The following ST8SIA5 variants were observed in gnomAD, a reference collection of about 807,000 sequenced individuals.
The protein encoded by ST8SIA5 is alpha-2,8-sialyltransferase 8E.
In ST8SIA5, 24 loss-of-function variants were observed where a neutral mutation model predicts 40.2. The ratio of observed to expected loss-of-function variants is 0.60; its 90% CI spans 0.43 to 0.84. ST8SIA5 has a LOEUF of 0.84. ST8SIA5 is among the 40% of genes least tolerant of loss of function. The probability of loss-of-function intolerance (pLI) is 0.00; values close to 1 mark genes in which losing one functional copy is unlikely to be tolerated. For synonymous variants in ST8SIA5, 198 were observed against 201.8 expected, an observed-to-expected ratio of 0.98 and a Z score of 0.16; for missense variants, 465 against 498.5, an observed-to-expected ratio of 0.93 and a Z score of 0.64.
chr18:46,727,442 C>T (rs996213018), intron 1 of ST8SIA5, among the ~76,000 whole-genome samples: 1 of 152,176 alleles, frequency 6.6e-6, no homozygotes, highest in Non-Finnish European at 1.5e-5. Context: ...AGCCAACTAC[C>T]AGGGGAATTT....
intron 5 of ST8SIA5, among the ~76,000 whole-genome samples, chr18:46,684,839 G>A (rs1470626619): frequency 6.6e-6 from 1 of 152,204 alleles, no homozygotes; most frequent in Non-Finnish European, 1.5e-5. Flanking sequence ...GTGGACACCA[G>A]GTTCCGTGGG....
intron 2 of ST8SIA5, among the ~76,000 whole-genome samples, chr18:46,704,013 C>T (rs1368461530): frequency 1.3e-5 from 2 of 152,142 alleles, no homozygotes; most frequent in East Asian, 1.9e-4. Flanking sequence ...AATCTCCATA[C>T]ATAGATTCTT....
chr18:46,719,449 G>C (rs1354834766), intron 1 of ST8SIA5, among the ~76,000 whole-genome samples: 1 of 152,176 alleles, frequency 6.6e-6, no homozygotes, highest in East Asian at 1.9e-4. Context: ...CAGGAAGAAA[G>C]GCAGAGGAGA....
In ST8SIA5 at chr18:46,704,662, T is replaced by C; in HGVS notation, c.134A>G (p.Tyr45Cys). 1.2e-6 allele frequency: 2 copies of C among 1,613,834 alleles called. No individual in the cohort carries two copies. The highest frequency in any genetic ancestry group is 1.7e-6 in the Non-Finnish European group (2 of 1,179,736). Reference sequence around the variant, plus strand: ...AAAAGGCCCCTCATAAAATTCAAAGTACCTGGGGACCAACAGAGACAGGTT... The same window carrying C: ...AAAAGGCCCCTCATAAAATTCAAAGCACCTGGGGACCAACAGAGACAGGTT... ...ILYGRNYIKRYFEFYEGPFEY... is the reference protein window; with the variant it reads ...ILYGRNYIKRCFEFYEGPFEY... The change falls in exon 2 of 7, where the codon TAC becomes TGC. Residue 45 changes from tyrosine to cysteine, a missense_variant and splice_region_variant. Tyr to Cys is a radical substitution (Grantham distance 194). Coordinates refer to ENST00000315087, the MANE Select transcript of ST8SIA5 (RefSeq NM_013305.6).
rs2040200754 is a variant in ST8SIA5 at position 46,752,054 on chromosome 18, GT to G, written c.131+4323del. Among the ~76,000 whole-genome samples, 2 of 152,000 alleles carry G rather than the reference GT, an allele frequency of 1.3e-5. 1 individual carries two copies. The highest frequency in any genetic ancestry group is 3.9e-4 in the East Asian group (2 of 5,174). On this transcript the variant is annotated intron_variant, in intron 1 of 6. Coordinates refer to ENST00000315087, the MANE Select transcript of ST8SIA5 (RefSeq NM_013305.6). Reference sequence around the variant, plus strand: ...AATTGGGCCCTGCCTGCCTCACTCTGTCCCCAGCAATATAGCTCTAACCCCT... The same window carrying G: ...AATTGGGCCCTGCCTGCCTCACTCTGCCCCAGCAATATAGCTCTAACCCCT...
chr18:46,725,987 A>ATATATG lies in ST8SIA5; in HGVS notation c.132-21324_132-21323insCATATA, dbSNP rs2039920945. ...AAAAAAAAAAAATATATATATATAT[A>ATATATG]TATATATATATATATATATATATCC... On this transcript the variant is annotated intron_variant, in intron 1 of 6. Transcript: ENST00000315087. 3.3e-5 allele frequency among the ~76,000 whole-genome samples: 2 copies of ATATATG among 59,702 alleles called. 1 individual carries two copies. Among genetic ancestry groups the ATATATG allele is most frequent in the Non-Finnish European group, 6.4e-5 (2 of 31,364 alleles). 39.2% of individuals were successfully genotyped at this position (59,702 alleles called of 152,430 possible).
chr18:46,686,369 C>T, intron 4 of ST8SIA5, 83 bp from the exon 5 acceptor site: 1 of 1,101,806 alleles, frequency 9.1e-7, no homozygotes, highest in South Asian at 1.3e-5. Flanking sequence ...AGCACACCCA[C>T]CTATATTAGC....
chr18:46,685,349 T>C (rs1312725648), intron 5 of ST8SIA5, among the ~76,000 whole-genome samples: 1 of 152,194 alleles, frequency 6.6e-6, no homozygotes, highest in Admixed American at 6.5e-5. Context: ...CCTTCAATTC[T>C]GGACTCGACT....
chr18:46,756,311 G>C, intron 1 of ST8SIA5, 67 bp downstream of exon 1: 1 of 1,592,104 alleles, frequency 6.3e-7, no homozygotes, highest in South Asian at 1.1e-5. Context: ...AAGCTGCCGC[G>C]GCCACTGCCA....
chr18:46,695,004 C>T (rs1019007921), intron 2 of ST8SIA5, among the ~76,000 whole-genome samples: 5 of 151,924 alleles, frequency 3.3e-5, no homozygotes, highest in Non-Finnish European at 7.4e-5. Context: ...ACTAAAAATA[C>T]AAAAATTAGC....
At position 46,726,679 on chromosome 18, in the gene ST8SIA5, G is replaced by A. The variant is rs2039934080; in HGVS notation, c.132-22015C>T. ...CGTGCCTGTAATCCCATCACTTTGG[G>A]AGGCCAAGGAGGGTGGATCACGAGG... On this transcript the variant is annotated intron_variant, in intron 1 of 6. Transcript: ENST00000315087. Among the ~76,000 whole-genome samples, 2 of 148,398 alleles carry A rather than the reference G, an allele frequency of 1.3e-5. 1 individual carries two copies. Among genetic ancestry groups the A allele is most frequent in the South Asian group, 4.5e-4 (2 of 4,430 alleles).
rs754769555 is a variant in ST8SIA5, at chr18:46,756,448, T to C, written c.61A>G (p.Ile21Val). 2 of 1,613,242 alleles carry C rather than the reference T, an allele frequency of 1.2e-6. No homozygotes were observed. Among genetic ancestry groups the C allele is most frequent in the Non-Finnish European group, 1.7e-6 (2 of 1,179,358 alleles). The change falls in exon 1 of 7, where the codon ATC becomes GTC. Residue 21 changes from isoleucine to valine, a missense_variant. By Grantham distance (29) the Ile-to-Val change is conservative. Transcript: ENST00000315087. The part of the protein sequence containing the change: ...DLLGSRTLLF[I>V]FICAFALVTL... ...ACCAAGGCAAAGGCGCAGATGAAGA[T>C]GAAGAGCAAAGTTCGGCTCCCCAAC...
chr18:46,730,494 G>T (rs1407442572), intron 1 of ST8SIA5: 1 of 153,052 alleles, frequency 6.5e-6, no homozygotes, highest in Non-Finnish European at 1.5e-5. Context: ...AAGGTGAGAA[G>T]TCTTCCTTTC....
chr18:46,671,777 G>T lies in ST8SIA5; in HGVS notation c.*8265C>A, dbSNP rs2039310648. On this transcript the variant is annotated 3_prime_UTR_variant, in exon 7 of 7. Transcript: ENST00000315087. ...CTGAATGCTAAAATGTTCAGAAAAA[G>T]AAAAGCTGGTACCTTTAAGAAGTCT... The T allele has an allele frequency of 1.3e-5, 2 of 152,190 alleles. No individual in the cohort carries two copies. Among genetic ancestry groups the T allele is most frequent in the Admixed American group, 1.3e-4 (2 of 15,278 alleles). 9.4% of individuals were successfully genotyped at this position (152,190 alleles called of 1,614,324 possible). A position where few individuals can be genotyped will look rare whatever the true frequency, so the allele number is the denominator to read the frequency against.
At chr18:46,719,727 TCTCTC>T (rs773077081) in intron 1 of ST8SIA5, among the ~76,000 whole-genome samples, 19 of 116,924 alleles carry the variant, frequency 1.6e-4, no homozygotes, top group East Asian at 2.3e-4. Flanking sequence ...TCTCTCTTTC[TCTCTC>T]TTCTTTCCTT....
chr18:46,733,804 A>C (rs2040008068), intron 1 of ST8SIA5, among the ~76,000 whole-genome samples: 1 of 152,126 alleles, frequency 6.6e-6, no homozygotes, highest in Non-Finnish European at 1.5e-5. Flanking sequence ...CACTGGGGCC[A>C]AGTGAGCCAG....
At chr18:46,702,162 A>G (rs984896878) in intron 2 of ST8SIA5, among the ~76,000 whole-genome samples, 1 of 151,246 alleles carries the variant, frequency 6.6e-6, no homozygotes, top group Middle Eastern at 3.4e-3. Flanking sequence ...AAAAAAAAAA[A>G]CAGAAATTAG....
chr18:46,684,445 A>G (rs1432605646), intron 5 of ST8SIA5, among the ~76,000 whole-genome samples: 1 of 152,190 alleles, frequency 6.6e-6, no homozygotes, highest in Non-Finnish European at 1.5e-5. Flanking sequence ...TAAACATATT[A>G]ATTCATTTAT....
intron 5 of ST8SIA5, among the ~76,000 whole-genome samples, chr18:46,684,551 A>G (rs2039427401): frequency 1.3e-5 from 2 of 152,172 alleles, no homozygotes. Context: ...ACGCAAAGTA[A>G]CACAGCTTTT....
Sources: gnomAD v4.1 joint callset for allele counts (sites outside exome capture counted in the v4.1 genomes callset) on GRCh38, gnomAD v4.1.1 for gene constraint, MANE v1.5 for transcripts, NCBI Gene and HGNC (gene_info 2026-07-23, HGNC 2026-07-21) for gene names.